RIC1: variants seen among roughly 807,000 people sequenced by gnomAD.
RIC1 encodes guanine nucleotide exchange factor subunit RIC1.
A neutral mutation model predicts 169.0 loss-of-function variants in RIC1; 88 were observed. The observed-to-expected ratio is 0.52, with a 90% confidence interval of 0.44 to 0.62. RIC1 has a LOEUF of 0.62. RIC1 is among the 20% of genes least tolerant of loss of function. The probability of loss-of-function intolerance (pLI) is 0.00; values close to 1 mark genes in which losing one functional copy is unlikely to be tolerated. For missense variants in RIC1, 1,877 were observed against 1,725.5 expected (o/e 1.09, Z -1.56); for synonymous variants, 790 against 601.5 (o/e 1.31, Z -4.59).
chr9:5,764,943 T>C (rs1220777012), intron 19 of RIC1: 2 of 152,812 alleles, frequency 1.3e-5, no homozygotes, highest in African/African-American at 4.8e-5. Flanking sequence ...GGATTCTGAA[T>C]GTGCAGCAGA....
Position 5,763,489 on chromosome 9 carries a change from A to T in RIC1, c.2462A>T (p.Glu821Val). Residue 821 changes from glutamate to valine, a missense_variant, in exon 19 of 26, where the codon GAG (glutamate) becomes GTG (valine). Transcript: ENST00000414202. This position sits in a 1 kb window ranked among gnomAD's most constrained non-coding sequence, Gnocchi z 5.2. The stretch of plus-strand genomic sequence containing the variant: ...GTGCTCTTCCCTTTCTGTGTTGTGG[A>T]GAGAACCTCTCAGATCTACCTCCAC... ...LEVLFPFCVV[E>V]RTSQIYLHHI... 6.2e-7 allele frequency: 1 copy of T among 1,614,192 alleles called. No individual in the cohort carries two copies. The highest frequency in any genetic ancestry group is 8.5e-7 in the Non-Finnish European group (1 of 1,180,024).
intron 21 of RIC1, among the ~76,000 whole-genome samples, chr9:5,767,323 T>C (rs556979577): frequency 7.2e-4 from 110 of 152,348 alleles, no homozygotes; most frequent in African/African-American, 2.6e-3. Flanking sequence ...AGATGGGATA[T>C]TGTCTTCTGA....
intron 3 of RIC1, among the ~76,000 whole-genome samples, chr9:5,706,148 T>C (rs958708143): frequency 6.6e-6 from 1 of 152,186 alleles, no homozygotes; most frequent in African/African-American, 2.4e-5. Context: ...GGTATCAGGG[T>C]AATTCTGGCC....
At chr9:5,765,179 A>C in intron 19 of RIC1, 1 of 403,336 alleles carries the variant, frequency 2.5e-6, no homozygotes, top group Non-Finnish European at 4.4e-6. Context: ...AAATGACTTA[A>C]AGTATATGTA....
In RIC1 at chr9:5,688,960, G is replaced by T. The variant is rs983287216; in HGVS notation, c.253-999G>T. Among the ~76,000 whole-genome samples the T allele has an allele frequency of 2.7e-5, 4 of 150,634 alleles. No homozygotes were observed. In the South Asian group the frequency reaches 8.3e-4, roughly 31 times the overall value. ...TTTGTACTTACAGAAATGTAAAATG[G>T]TTGTTTGAACTTCACAAATGTATGT... is the stretch of plus-strand genomic sequence containing the variant. On this transcript the variant is annotated intron_variant, in intron 2 of 25. Transcript: ENST00000414202.
At chr9:5,646,184 C>A (rs1192913413) in intron 1 of RIC1, among the ~76,000 whole-genome samples, 1 of 152,084 alleles carries the variant, frequency 6.6e-6, no homozygotes, top group East Asian at 1.9e-4. Flanking sequence ...TAATGTCGAG[C>A]ATCTTTTATG....
At chr9:5,709,330 T>G (rs530991320) in intron 3 of RIC1, among the ~76,000 whole-genome samples, 5 of 152,320 alleles carry the variant, frequency 3.3e-5, no homozygotes, top group African/African-American at 1.2e-4. Context: ...CCATTATTTC[T>G]ACGTGCAGAC....
intron 2 of RIC1, among the ~76,000 whole-genome samples, chr9:5,668,353 A>G (rs1819902849): frequency 6.6e-6 from 1 of 152,108 alleles, no homozygotes; most frequent in Admixed American, 6.5e-5. Flanking sequence ...ATGTTTTCAA[A>G]ATTCTGTCTT....
Position 5,774,285 on chromosome 9 carries a change from A to T in RIC1, c.*39A>T. On this transcript the variant is annotated 3_prime_UTR_variant, in exon 26 of 26. Transcript: ENST00000414202. ...TCACAAAGGGGCAGTATTAATTAGC[A>T]GCAGCGTGCAGCTCAGTACGTTGTA... 1 of 1,532,808 alleles carries T rather than the reference A, an allele frequency of 6.5e-7. No individual in the cohort carries two copies. The highest frequency in any genetic ancestry group is 8.9e-7 in the Non-Finnish European group (1 of 1,126,810). 95.0% of individuals were successfully genotyped at this position (1,532,808 alleles called of 1,614,324 possible). A position where few individuals can be genotyped will look rare whatever the true frequency, so the allele number is the denominator to read the frequency against.
At chr9:5,753,300 T>C in intron 13 of RIC1, 62 bp downstream of exon 13, 1 of 1,439,540 alleles carries the variant, frequency 6.9e-7, no homozygotes, top group Non-Finnish European at 9.8e-7. Context: ...AGAGGCATTC[T>C]GGGAAGAGCC....
chr9:5,634,528 G>C (rs1817876218), intron 1 of RIC1, among the ~76,000 whole-genome samples: 1 of 152,014 alleles, frequency 6.6e-6, no homozygotes, highest in Non-Finnish European at 1.5e-5. Flanking sequence ...CATCTGTTCA[G>C]ATCTCTTGTC....
chr9:5,666,706 A>G (rs1819788132), intron 2 of RIC1, among the ~76,000 whole-genome samples: 1 of 152,196 alleles, frequency 6.6e-6, no homozygotes, highest in Non-Finnish European at 1.5e-5. Flanking sequence ...ACATTGAATC[A>G]TCCTTGCATT....
intron 3 of RIC1, among the ~76,000 whole-genome samples, chr9:5,694,770 C>T (rs555692933): frequency 3.1e-4 from 45 of 146,066 alleles, no homozygotes; most frequent in Non-Finnish European, 2.4e-4. Flanking sequence ...ATAATATAAA[C>T]GATAAGCAGT....
intron 2 of RIC1, among the ~76,000 whole-genome samples, chr9:5,677,511 T>C (rs1055949560): frequency 4.6e-5 from 7 of 152,182 alleles, no homozygotes; most frequent in South Asian, 2.1e-4. Context: ...TATGTGTGGG[T>C]TTACTTCTAT....
intron 3 of RIC1, among the ~76,000 whole-genome samples, chr9:5,690,578 T>A (rs1193008029): frequency 1.3e-5 from 2 of 151,496 alleles, no homozygotes; most frequent in Non-Finnish European, 3.0e-5. Context: ...TTTTTTTTTT[T>A]AATCAAGCCA....
At chr9:5,722,686 C>G (rs956646535) in intron 6 of RIC1, among the ~76,000 whole-genome samples, 1 of 152,114 alleles carries the variant, frequency 6.6e-6, no homozygotes, top group African/African-American at 2.4e-5. Context: ...AGGTATATCT[C>G]CTAATGCTAT....
intron 12 of RIC1, 26 bp downstream of exon 12, chr9:5,747,531 G>C: frequency 6.4e-7 from 1 of 1,562,282 alleles, no homozygotes; most frequent in African/African-American, 1.4e-5. Context: ...CTGATTACTA[G>C]AGACTTATTC....
chr9:5,746,219 TAATTTATATTA>T (rs1179968998), intron 11 of RIC1, 136 bp downstream of exon 11: 8 of 523,914 alleles, frequency 1.5e-5, no homozygotes, highest in East Asian at 3.2e-5. Flanking sequence ...TGTTTCTTTT[TAATTTATATTA>T]AATTTATACC....
At chr9:5,644,343 A>T (rs116794110) in intron 1 of RIC1, among the ~76,000 whole-genome samples, 2,101 of 152,206 alleles carry the variant, frequency 0.014, 55 homozygotes, top group African/African-American at 0.048. Flanking sequence ...TTTGGTTTTT[A>T]TTTAGCATAA....
Sources: gnomAD v4.1 joint callset for allele counts (sites outside exome capture counted in the v4.1 genomes callset) on GRCh38, gnomAD v4.1.1 for gene constraint, Gnocchi (gnomAD v3.1) non-coding constraint, MANE v1.5 for transcripts, NCBI Gene and HGNC (gene_info 2026-07-23, HGNC 2026-07-21) for gene names.